Variants in CDH20 observed in about 807,000 individuals in gnomAD.
The protein encoded by CDH20 is cadherin 20, also known as cadherin-20.
Under a neutral mutation model 74.2 loss-of-function variants are expected in CDH20, and 29 were observed. That is an observed-to-expected ratio of 0.39 (90% CI 0.29 to 0.53). CDH20 has a LOEUF of 0.53. CDH20 is among the 20% of genes least tolerant of loss of function. The pLI, the probability that CDH20 is intolerant of heterozygous loss-of-function variation, is 0.69. For missense variants in CDH20, 988 were observed against 1,048.3 expected (o/e 0.94, Z 0.79); for synonymous variants, 469 against 405.4 (o/e 1.16, Z -1.88).
intron 11 of CDH20, among the ~76,000 whole-genome samples, chr18:61,552,724 G>T (rs57780128): frequency 0.058 from 8,889 of 152,208 alleles, 688 homozygotes; most frequent in African/African-American, 0.17. Context: ...AAGCTCACAA[G>T]AGCAGAATCC....
chr18:61,549,891 C>T, intron 10 of CDH20, 87 bp from the exon 11 acceptor site: 1 of 1,393,732 alleles, frequency 7.2e-7, no homozygotes, highest in Admixed American at 1.8e-5. Context: ...TTCCTTCCTA[C>T]ACCCTGCCCC....
chr18:61,373,926 CA>C lies in CDH20; in HGVS notation c.-153+40103del, dbSNP rs1182670698. 3.9e-5 allele frequency among the ~76,000 whole-genome samples: 6 copies of C among 152,240 alleles called. No homozygotes were observed. The East Asian group carries it at 1.2e-3, about 30-fold the overall frequency. On this transcript the variant is annotated intron_variant, in intron 1 of 11. Transcript: ENST00000262717. ...TGAGTTGGCACCATGGCTCAGATAA[CA>C]AAAGCCCAAGTCTTTCAATACAGTT...
chr18:61,429,528 C>T (rs1156509421), intron 1 of CDH20, among the ~76,000 whole-genome samples: 2 of 152,154 alleles, frequency 1.3e-5, no homozygotes, highest in Non-Finnish European at 2.9e-5. Flanking sequence ...ATGACTTCAG[C>T]TCCGAAGAGA....
chr18:61,483,668 G>C (rs1041745770), intron 1 of CDH20, among the ~76,000 whole-genome samples: 20 of 152,116 alleles, frequency 1.3e-4, no homozygotes, highest in African/African-American at 4.6e-4. Context: ...CTCCTTGAAG[G>C]AGGAAAAGGA....
chr18:61,378,754 G>A (rs531991129), intron 1 of CDH20, among the ~76,000 whole-genome samples: 84 of 152,260 alleles, frequency 5.5e-4, no homozygotes, highest in Non-Finnish European at 1.0e-3. Flanking sequence ...AAACTTTCAG[G>A]TAGATAATAA....
intron 1 of CDH20, among the ~76,000 whole-genome samples, chr18:61,386,091 T>C (rs912576243): frequency 1.2e-4 from 18 of 152,200 alleles, no homozygotes; most frequent in African/African-American, 3.9e-4. Flanking sequence ...TTTGAGGATA[T>C]ACTGCAACAA....
At chr18:61,497,228 C>T (rs368644030) in intron 2 of CDH20, among the ~76,000 whole-genome samples, 31 of 145,576 alleles carry the variant, frequency 2.1e-4, no homozygotes, top group African/African-American at 6.8e-4. Flanking sequence ...CAATTTTATT[C>T]CCTTATTTCT....
intron 1 of CDH20, among the ~76,000 whole-genome samples, chr18:61,386,628 T>C (rs2144192475): frequency 6.6e-6 from 1 of 152,316 alleles, no homozygotes; most frequent in South Asian, 2.1e-4. Context: ...AATATGTTCT[T>C]TGAAATTTTA....
At chr18:61,366,914 G>C (rs1411563476) in intron 1 of CDH20, among the ~76,000 whole-genome samples, 1 of 152,078 alleles carries the variant, frequency 6.6e-6, no homozygotes, top group Non-Finnish European at 1.5e-5. Context: ...TTATAGATGA[G>C]GCTTATGAGA....
At chr18:61,494,561 A>C (rs539629311) in intron 2 of CDH20, among the ~76,000 whole-genome samples, 1 of 152,268 alleles carries the variant, frequency 6.6e-6, no homozygotes, top group Middle Eastern at 3.4e-3. Flanking sequence ...AAGGGAATTC[A>C]TCCACTTTCA....
chr18:61,341,473 G>A (rs1909948204), intron 1 of CDH20, among the ~76,000 whole-genome samples: 1 of 151,902 alleles, frequency 6.6e-6, no homozygotes, highest in South Asian at 2.1e-4. Flanking sequence ...TTCAGTATAT[G>A]AAATTGGGGG....
chr18:61,353,128 A>T lies in CDH20; in HGVS notation c.-153+19301A>T, dbSNP rs1361797083. The stretch of plus-strand genomic sequence containing the variant: ...AATCACCTCCATGATGTGTGCCCCA[A>T]CAAAGGCGCGGGTCTGATACATCAG... On this transcript the variant is annotated intron_variant, in intron 1 of 11. Transcript: ENST00000262717. This position sits in a 1 kb window ranked among gnomAD's most constrained non-coding sequence, Gnocchi z 4.6. Among the ~76,000 whole-genome samples, 1 of 152,198 alleles carries T rather than the reference A, an allele frequency of 6.6e-6. No individual in the cohort carries two copies. Among genetic ancestry groups the T allele is most frequent in the East Asian group, 1.9e-4 (1 of 5,200 alleles).
At chr18:61,334,460 G>T (rs1909686244) in intron 1 of CDH20, 1 of 152,476 alleles carries the variant, frequency 6.6e-6, no homozygotes, top group East Asian at 1.9e-4. Context: ...CCTGTCCTCG[G>T]GCCCTGACAC....
intron 1 of CDH20, among the ~76,000 whole-genome samples, chr18:61,395,287 C>A (rs1053668024): frequency 6.6e-6 from 1 of 152,156 alleles, no homozygotes; most frequent in African/African-American, 2.4e-5. Context: ...GCCTTTGTAA[C>A]CCTCACTGTT....
At chr18:61,423,045 T>C (rs1224028422) in intron 1 of CDH20, among the ~76,000 whole-genome samples, 1 of 152,212 alleles carries the variant, frequency 6.6e-6, no homozygotes, top group Non-Finnish European at 1.5e-5. Flanking sequence ...AACTTTATCA[T>C]TGTCAGTTGG....
At chr18:61,542,095 T>A (rs1913062716) in intron 9 of CDH20, among the ~76,000 whole-genome samples, 1 of 152,214 alleles carries the variant, frequency 6.6e-6, no homozygotes, top group African/African-American at 2.4e-5. Context: ...CTTTCCCAAC[T>A]ATGTTTATCA....
chr18:61,356,558 G>A (rs1287706179), intron 1 of CDH20, among the ~76,000 whole-genome samples: 4 of 152,176 alleles, frequency 2.6e-5, no homozygotes, highest in Non-Finnish European at 5.9e-5. Flanking sequence ...TGTGGAATGA[G>A]TATAAGTTAT....
chr18:61,520,247 C>T (rs751251545), intron 6 of CDH20, among the ~76,000 whole-genome samples: 2 of 138,396 alleles, frequency 1.4e-5, no homozygotes, highest in South Asian at 2.3e-4. Context: ...ACCTGGGAGG[C>T]GGAGCTTGCA....
At chr18:61,548,082 G>A (rs1463079590) in intron 10 of CDH20, among the ~76,000 whole-genome samples, 1 of 152,158 alleles carries the variant, frequency 6.6e-6, no homozygotes, top group East Asian at 1.9e-4. Context: ...ACTACAAAGT[G>A]GAATTGATAG....
Sources: gnomAD v4.1 joint callset for allele counts (sites outside exome capture counted in the v4.1 genomes callset) on GRCh38, gnomAD v4.1.1 for gene constraint, Gnocchi (gnomAD v3.1) non-coding constraint, MANE v1.5 for transcripts, NCBI Gene and HGNC (gene_info 2026-07-23, HGNC 2026-07-21) for gene names.